The following TEX22 variants were observed in gnomAD, a reference collection of about 807,000 sequenced individuals.
The protein encoded by TEX22 is testis-expressed protein 22.
In TEX22, 16 loss-of-function variants were observed where a neutral mutation model predicts 11.3. The ratio of observed to expected loss-of-function variants is 1.42; its 90% confidence interval spans 0.96 to 2.15. The LOEUF (loss-of-function observed/expected upper bound fraction) is 2.15. Among genes scored for constraint, TEX22 ranks in the 30% most tolerant of loss-of-function variants. The pLI is 0.00. For synonymous variants in TEX22, 97 were observed against 92.3 expected (o/e 1.05, Z -0.29); for missense variants, 220 against 208.6 (o/e 1.05, Z -0.34).
At position 105,411,377 on chromosome 14, in the gene TEX22, C is replaced by T; in HGVS notation, c.160C>T (p.Pro54Ser). ...GLQTQDWVCE[P>S]PERRRPGRRW... is the part of the protein sequence containing the mutation. ...CTGCCCTGTCCCCCAGGTGTGCGAG[C>T]CGCCGGAACGCAGGCGCCCGGGCCG... The change falls in exon 3 of 4, where the codon CCG becomes TCG. Residue 54 changes from proline to serine, a missense_variant. Transcript: ENST00000451127. 7.5e-7 allele frequency: 1 copy of T among 1,328,078 alleles called. No individual in the cohort carries two copies. The highest frequency in any genetic ancestry group is 9.6e-7 in the Non-Finnish European group (1 of 1,038,716). The allele number at this position is 1,328,078 out of a possible 1,614,324, so 82.3% of individuals were successfully genotyped here. A position where few individuals can be genotyped will look rare whatever the true frequency, so the allele number is the denominator to read the frequency against.
intron 2 of TEX22, among the ~76,000 whole-genome samples, chr14:105,405,532 A>C (rs2081654391): frequency 6.6e-6 from 1 of 152,246 alleles, no homozygotes; most frequent in South Asian, 2.1e-4. Flanking sequence ...TAAGCACAGG[A>C]ATATTCCAAC....
At chr14:105,399,739 A>G (rs1420878416) in intron 2 of TEX22, among the ~76,000 whole-genome samples, 1 of 152,148 alleles carries the variant, frequency 6.6e-6, no homozygotes, top group Non-Finnish European at 1.5e-5. Flanking sequence ...GAGGTCTTCC[A>G]AGGCCAGGAA....
chr14:105,403,970 G>A (rs782165304), intron 2 of TEX22, among the ~76,000 whole-genome samples: 6 of 152,354 alleles, frequency 3.9e-5, no homozygotes, highest in Non-Finnish European at 7.3e-5. Context: ...CTTTGGCAAT[G>A]TATTGGTTAT....
chr14:105,406,441 T>G (rs1241804653), intron 2 of TEX22, among the ~76,000 whole-genome samples: 1 of 152,174 alleles, frequency 6.6e-6, no homozygotes, highest in East Asian at 1.9e-4. Context: ...CCAGGCACAG[T>G]GGTTCACTGC....
chr14:105,402,742 C>G (rs373466258), intron 2 of TEX22, among the ~76,000 whole-genome samples: 10 of 137,888 alleles, frequency 7.3e-5, no homozygotes, highest in South Asian at 4.4e-4. Flanking sequence ...GGCGACAGAG[C>G]GAGACTCCGT....
At chr14:105,406,830 T>A (rs587652838) in intron 2 of TEX22, among the ~76,000 whole-genome samples, 38 of 152,326 alleles carry the variant, frequency 2.5e-4, no homozygotes, top group African/African-American at 8.2e-4. Flanking sequence ...TCACCATTTT[T>A]AAATTTTAAT....
rs1377780974 is a variant in TEX22, at chr14:105,402,588, AC to A, written c.150+3099del. Among the ~76,000 whole-genome samples, 7 of 151,382 alleles carry A rather than the reference AC, an allele frequency of 4.6e-5. No homozygotes were observed. The East Asian group carries it at 1.4e-3, about 30-fold the overall frequency. ...GCTAACACGGTGAAACCCCGTCTCT[AC>A]TAAAAAATACAAAAAAATTAGCCGG... On this transcript the variant is annotated intron_variant, in intron 2 of 3. Transcript: ENST00000451127.
At chr14:105,405,498 T>C (rs2081654185) in intron 2 of TEX22, among the ~76,000 whole-genome samples, 1 of 152,152 alleles carries the variant, frequency 6.6e-6, no homozygotes, top group African/African-American at 2.4e-5. Flanking sequence ...AATTCAGCGG[T>C]AGGGTTGTGA....
At chr14:105,399,193 C>G in intron 1 of TEX22, 109 bp from the exon 2 acceptor site, 1 of 658,888 alleles carries the variant, frequency 1.5e-6, no homozygotes, top group Admixed American at 2.8e-5. Flanking sequence ...GGAAGGTGAC[C>G]CTAGCAGACC....
intron 2 of TEX22, 113 bp from the exon 3 acceptor site, chr14:105,411,255 G>C: frequency 8.8e-7 from 1 of 1,141,142 alleles, no homozygotes; most frequent in Non-Finnish European, 1.1e-6. Flanking sequence ...CTGAGCAGAC[G>C]GCGCTTTAGA....
intron 2 of TEX22, among the ~76,000 whole-genome samples, chr14:105,405,797 T>C (rs2081655790): frequency 1.3e-5 from 2 of 152,212 alleles, no homozygotes; most frequent in South Asian, 4.1e-4. Flanking sequence ...TTCATTAAAG[T>C]ATAATTTGAA....
chr14:105,402,755 CAAAAAAA>C (rs1195065703), intron 2 of TEX22, among the ~76,000 whole-genome samples: 3 of 68,420 alleles, frequency 4.4e-5, no homozygotes, highest in East Asian at 8.7e-4. Flanking sequence ...GACTCCGTCT[CAAAAAAA>C]AAAAAAAAAA....
At chr14:105,399,272 CG>C in intron 1 of TEX22, 29 bp from the exon 2 acceptor site, 15 of 1,292,338 alleles carry the variant, frequency 1.2e-5, no homozygotes, top group Non-Finnish European at 1.1e-5. Context: ...TTGTGGGCCC[CG>C]CCCCACCTCC....
intron 2 of TEX22, among the ~76,000 whole-genome samples, chr14:105,405,364 G>A (rs2081653325): frequency 2.0e-5 from 3 of 152,116 alleles, no homozygotes; most frequent in South Asian, 4.1e-4. Flanking sequence ...TATTACAGCA[G>A]AAGAACAGAA....
chr14:105,398,873 G>A (rs1256451458), intron 1 of TEX22, among the ~76,000 whole-genome samples: 1 of 152,258 alleles, frequency 6.6e-6, no homozygotes, highest in Non-Finnish European at 1.5e-5. Flanking sequence ...CCGCGTGGAG[G>A]GGAGGTCTCA....
chr14:105,399,852 G>A (rs1171913905), intron 2 of TEX22, among the ~76,000 whole-genome samples: 1 of 152,164 alleles, frequency 6.6e-6, no homozygotes, highest in Non-Finnish European at 1.5e-5. Context: ...AGGGGGGGTG[G>A]TGTCCTCCCA....
At chr14:105,402,167 CAGAG>C (rs1243162658) in intron 2 of TEX22, among the ~76,000 whole-genome samples, 6 of 152,248 alleles carry the variant, frequency 3.9e-5, no homozygotes, top group African/African-American at 7.2e-5. Context: ...GCCTGGGCGA[CAGAG>C]GGAGACTGTC....
intron 2 of TEX22, among the ~76,000 whole-genome samples, chr14:105,402,525 CGG>C (rs2081634220): frequency 1.3e-5 from 2 of 151,822 alleles, no homozygotes; most frequent in Non-Finnish European, 2.9e-5. Flanking sequence ...GAGGCTGGGG[CGG>C]GCAGATCACA....
chr14:105,399,281 T>G, intron 1 of TEX22, 21 bp from the exon 2 acceptor site: 98 of 471,072 alleles, frequency 2.1e-4, no homozygotes, highest in Middle Eastern at 3.5e-4. Flanking sequence ...CCGCCCCACC[T>G]CCCCCTGCTC....
Sources: allele counts gnomAD v4.1 joint callset (sites outside exome capture counted in the v4.1 genomes callset), GRCh38; gene constraint gnomAD v4.1.1; transcripts MANE v1.5; gene names NCBI Gene and HGNC (gene_info 2026-07-23, HGNC 2026-07-21).